CLSTN2: variants seen among roughly 807,000 people sequenced by gnomAD.
CLSTN2 encodes calsyntenin 2, also known as calsyntenin-2.
A neutral mutation model predicts 101.2 loss-of-function variants in CLSTN2; 48 were observed. That is an observed-to-expected ratio of 0.47 (90% CI 0.38 to 0.60). The LOEUF is 0.60. Among genes scored for constraint, CLSTN2 ranks in the 20% least tolerant of loss-of-function variants. CLSTN2 has a pLI of 0.00. For synonymous variants in CLSTN2, 481 were observed against 463.6 expected (o/e 1.04, Z -0.48); for missense variants, 1,160 against 1,238.2 (o/e 0.94, Z 0.95).
At chr3:140,068,221 A>C (rs1231589648) in intron 1 of CLSTN2, among the ~76,000 whole-genome samples, 4 of 152,208 alleles carry the variant, frequency 2.6e-5, no homozygotes, top group Non-Finnish European at 5.9e-5. Context: ...ATGACACTGA[A>C]ATTTGGTAGA....
chr3:140,528,117 T>G (rs1378036423), intron 8 of CLSTN2, among the ~76,000 whole-genome samples: 1 of 152,208 alleles, frequency 6.6e-6, no homozygotes, highest in African/African-American at 2.4e-5. Context: ...CTTAATTTTC[T>G]AATAGTGCCT....
intron 1 of CLSTN2, among the ~76,000 whole-genome samples, chr3:140,025,923 G>A (rs908568117): frequency 3.3e-5 from 5 of 152,144 alleles, no homozygotes; most frequent in Admixed American, 6.5e-5. Flanking sequence ...AGCAAGTACC[G>A]CGCATGTGGA....
chr3:139,995,440 T>G (rs951914392), intron 1 of CLSTN2, among the ~76,000 whole-genome samples: 1 of 152,242 alleles, frequency 6.6e-6, no homozygotes, highest in East Asian at 1.9e-4. Context: ...GGGAGCCACA[T>G]GGCAGTTTCA....
intron 2 of CLSTN2, among the ~76,000 whole-genome samples, chr3:140,278,499 T>C (rs1023197809): frequency 6.6e-6 from 1 of 152,112 alleles, no homozygotes; most frequent in Non-Finnish European, 1.5e-5. Flanking sequence ...CCCTCCTCCT[T>C]CTGGCCTCCT....
At chr3:140,403,216 G>T (rs552276689) in intron 2 of CLSTN2, among the ~76,000 whole-genome samples, 1 of 152,126 alleles carries the variant, frequency 6.6e-6, no homozygotes, top group Non-Finnish European at 1.5e-5. Flanking sequence ...ATAGACTCAC[G>T]CCCACTGTTT....
At chr3:140,338,206 CTCTT>C (rs2087460991) in intron 2 of CLSTN2, among the ~76,000 whole-genome samples, 1 of 152,188 alleles carries the variant, frequency 6.6e-6, no homozygotes, top group East Asian at 1.9e-4. Flanking sequence ...CTCTCTCTCT[CTCTT>C]TCTCTTTGTG....
intron 1 of CLSTN2, among the ~76,000 whole-genome samples, chr3:140,130,372 T>C (rs2009504162): frequency 6.6e-6 from 1 of 152,184 alleles, no homozygotes; most frequent in African/African-American, 2.4e-5. Context: ...AAGAACATGT[T>C]ATGGGAACCT....
intron 2 of CLSTN2, among the ~76,000 whole-genome samples, chr3:140,288,095 A>C (rs935076334): frequency 9.1e-4 from 121 of 133,138 alleles, no homozygotes; most frequent in African/African-American, 3.3e-3. Context: ...CGTGGCCTTC[A>C]TTTCTAAAGC....
At chr3:140,351,113 G>A (rs563130989) in intron 2 of CLSTN2, among the ~76,000 whole-genome samples, 2 of 152,270 alleles carry the variant, frequency 1.3e-5, no homozygotes, top group African/African-American at 2.4e-5. Flanking sequence ...TTCCCAGAGT[G>A]GGGGACAAAC....
chr3:139,990,952 A>T (rs1936104162), intron 1 of CLSTN2, among the ~76,000 whole-genome samples: 2 of 152,242 alleles, frequency 1.3e-5, no homozygotes, highest in Admixed American at 1.3e-4. Context: ...CCAGCTCATT[A>T]TATAAAATTT....
rs372729188 is a variant in CLSTN2, at chr3:140,435,074, A to G, written c.788-13445A>G. Among the ~76,000 whole-genome samples the G allele has an allele frequency of 3.3e-5, 5 of 152,270 alleles. No homozygotes were observed. In the South Asian group the frequency reaches 6.2e-4, roughly 19 times the overall value. Reference sequence around the variant, plus strand: ...TATCCTCTGAGTTTCAGTCAATCAAATTGTATTCTTTAAGTTACTTTAAAA... The same window carrying G: ...TATCCTCTGAGTTTCAGTCAATCAAGTTGTATTCTTTAAGTTACTTTAAAA... On this transcript the variant is annotated intron_variant, in intron 5 of 16. Coordinates refer to ENST00000458420, the MANE Select transcript of CLSTN2 (RefSeq NM_022131.3).
intron 1 of CLSTN2, among the ~76,000 whole-genome samples, chr3:140,168,738 G>A (rs1278176712): frequency 2.6e-5 from 4 of 151,940 alleles, no homozygotes; most frequent in Non-Finnish European, 5.9e-5. Context: ...TTCTCTAGCA[G>A]CATTTAATAA....
At chr3:140,563,908 G>C (rs1242947690) in intron 15 of CLSTN2, 53 bp from the exon 16 acceptor site, 2 of 1,571,776 alleles carry the variant, frequency 1.3e-6, no homozygotes, top group African/African-American at 1.3e-5. Context: ...TCCCTCACAA[G>C]AATGAGCTAG....
rs1480439392 is a variant in CLSTN2, at chr3:140,566,048, T to A, written c.2668-5T>A. 1 of 1,613,820 alleles carries A rather than the reference T, an allele frequency of 6.2e-7. No individual in the cohort carries two copies. Among genetic ancestry groups the A allele is most frequent in the Non-Finnish European group, 8.5e-7 (1 of 1,179,948 alleles). ...GAGCATTTGCTTTTTCTCCTTGATA[T>A]CCAGAAACATGAAGGACCAGGGCAT... On this transcript the variant is annotated splice_polypyrimidine_tract_variant and splice_region_variant and intron_variant, in intron 16 of 16. Coordinates refer to ENST00000458420, the MANE Select transcript of CLSTN2 (RefSeq NM_022131.3).
chr3:140,426,887 G>T (rs145559724), intron 5 of CLSTN2, among the ~76,000 whole-genome samples: 1 of 152,066 alleles, frequency 6.6e-6, no homozygotes, highest in Non-Finnish European at 1.5e-5. Flanking sequence ...CTTAAAGAGA[G>T]AATGGGGCTG....
At chr3:140,197,178 A>C (rs1005195667) in intron 2 of CLSTN2, among the ~76,000 whole-genome samples, 1 of 152,178 alleles carries the variant, frequency 6.6e-6, no homozygotes, top group African/African-American at 2.4e-5. Flanking sequence ...ACTGCTGCCA[A>C]GGTAGCTGTC....
intron 8 of CLSTN2, among the ~76,000 whole-genome samples, chr3:140,487,024 G>T (rs1166991679): frequency 6.6e-6 from 1 of 152,168 alleles, no homozygotes; most frequent in Non-Finnish European, 1.5e-5. Context: ...CCTTGCCTCA[G>T]TATGGACCTG....
intron 2 of CLSTN2, among the ~76,000 whole-genome samples, chr3:140,195,238 T>G (rs867315807): frequency 6.6e-6 from 1 of 152,216 alleles, no homozygotes; most frequent in African/African-American, 2.4e-5. Context: ...CCTAGCTCTT[T>G]GGCTAGAGAA....
intron 1 of CLSTN2, among the ~76,000 whole-genome samples, chr3:139,988,526 A>G (rs1432728735): frequency 3.3e-5 from 5 of 152,152 alleles, no homozygotes; most frequent in African/African-American, 1.2e-4. Flanking sequence ...ACATAAAAGG[A>G]GGAATAAGAT....
Sources: gnomAD v4.1 joint callset for allele counts (sites outside exome capture counted in the v4.1 genomes callset) on GRCh38, gnomAD v4.1.1 for gene constraint, MANE v1.5 for transcripts, NCBI Gene and HGNC (gene_info 2026-07-23, HGNC 2026-07-21) for gene names.